Variants in VWA8 observed in about 807,000 individuals in gnomAD.
The protein encoded by VWA8 is von Willebrand factor A domain-containing protein 8.
A neutral mutation model predicts 241.5 loss-of-function variants in VWA8; 221 were observed. The observed-to-expected ratio is 0.91, with a 90% CI of 0.82 to 1.02. The LOEUF is 1.02. VWA8 is among the 50% of genes least tolerant of loss of function. The pLI is 0.00. For missense variants in VWA8, 2,322 were observed against 2,328.7 expected (o/e 1.00, Z 0.06); for synonymous variants, 852 against 827.1 (o/e 1.03, Z -0.52).
rs183998510 is a variant in VWA8 at position 41,650,883 on chromosome 13, G to A, written c.4611+20063C>T. On this transcript the variant is annotated intron_variant, in intron 37 of 44. Coordinates refer to ENST00000379310, the MANE Select transcript of VWA8 (RefSeq NM_015058.2). ...ATGCAGCCTTAAAGGAAGAGACACA[G>A]GAGTGTGTATGGGCATTCCAGGCAG... Among the ~76,000 whole-genome samples the A allele has an allele frequency of 3.0e-3, 455 of 152,320 alleles. 1 individual carries two copies. The highest frequency in any genetic ancestry group is 5.7e-3 in the Non-Finnish European group (390 of 68,022).
At chr13:41,846,228 T>C (rs931602739) in intron 12 of VWA8, among the ~76,000 whole-genome samples, 9 of 152,082 alleles carry the variant, frequency 5.9e-5, no homozygotes, top group African/African-American at 2.2e-4. Flanking sequence ...TAAAAGCAAG[T>C]AACAAAATAT....
At chr13:41,907,545 C>T in intron 4 of VWA8, 41 bp downstream of exon 4, 1 of 1,554,602 alleles carries the variant, frequency 6.4e-7, no homozygotes. Flanking sequence ...TTGTATAGAC[C>T]TGGAGTACAC....
intron 20 of VWA8, among the ~76,000 whole-genome samples, chr13:41,772,861 T>C (rs1476824367): frequency 1.3e-5 from 2 of 152,234 alleles, no homozygotes; most frequent in Non-Finnish European, 2.9e-5. Flanking sequence ...AAAGGTGAAA[T>C]TGGGTTTAGT....
At chr13:41,784,727 T>TATATATATACATAC (rs1555335045) in intron 18 of VWA8, among the ~76,000 whole-genome samples, 2 of 69,034 alleles carry the variant, frequency 2.9e-5, no homozygotes, top group East Asian at 3.8e-4. Flanking sequence ...TATATATATA[T>TATATATATACATAC]ATACACACAC....
chr13:41,867,738 G>C (rs1873378453), intron 10 of VWA8, among the ~76,000 whole-genome samples: 1 of 152,092 alleles, frequency 6.6e-6, no homozygotes, highest in Non-Finnish European at 1.5e-5. Flanking sequence ...TCATGAGCTG[G>C]GCACAGTGGC....
chr13:41,715,724 T>G (rs886720327), intron 26 of VWA8, among the ~76,000 whole-genome samples: 1 of 152,004 alleles, frequency 6.6e-6, no homozygotes, highest in Non-Finnish European at 1.5e-5. Flanking sequence ...ACAAAGATAT[T>G]TCCAATAACA....
intron 2 of VWA8, among the ~76,000 whole-genome samples, chr13:41,933,316 A>T (rs925040739): frequency 3.9e-5 from 6 of 152,034 alleles, no homozygotes; most frequent in African/African-American, 1.4e-4. Flanking sequence ...GAAATTAAAG[A>T]TCTAAATAGA....
chr13:41,961,081 C>T lies in VWA8; in HGVS notation c.-66G>A. The T allele has an allele frequency of 7.6e-7, 1 of 1,314,618 alleles. No homozygotes were observed. Among genetic ancestry groups the T allele is most frequent in the South Asian group, 1.9e-5 (1 of 53,844 alleles). The allele number at this position is 1,314,618 out of a possible 1,614,324, so 81.4% of individuals were successfully genotyped here. On this transcript the variant is annotated 5_prime_UTR_variant, in exon 1 of 45. It adds an upstream start codon to the 5' untranslated region. Transcript: ENST00000379310. ...GATCGAGCGGCGTCCCGTGCAGGCA[C>T]CGTGAGGCAGCGCGGAGAAGGGGAC...
At position 41,868,339 on chromosome 13, in the gene VWA8, T is replaced by A. The variant is rs1371243692; in HGVS notation, c.1212+7A>T. On this transcript the variant is annotated splice_region_variant and intron_variant, in intron 10 of 44. Transcript: ENST00000379310. ...ATCATAGAAAGAATAAACCTGTGAT[T>A]AATTACCTTAATGGTCACCTCTTTA... The A allele has an allele frequency of 6.2e-7, 1 of 1,613,402 alleles. No homozygotes were observed. Among genetic ancestry groups the A allele is most frequent in the Non-Finnish European group, 8.5e-7 (1 of 1,179,844 alleles).
chr13:41,863,433 G>GAA (rs1873122888), intron 12 of VWA8, among the ~76,000 whole-genome samples: 9 of 69,824 alleles, frequency 1.3e-4, no homozygotes, highest in East Asian at 8.2e-4. Context: ...GTGTGTGTGT[G>GAA]TATATATATA....
chr13:41,626,369 A>G (rs546435272), intron 37 of VWA8, among the ~76,000 whole-genome samples: 2 of 152,266 alleles, frequency 1.3e-5, no homozygotes, highest in East Asian at 3.9e-4. Flanking sequence ...ATTCAATGCT[A>G]TTCCTATCAA....
chr13:41,575,289 A>G (rs1222805286), intron 43 of VWA8, among the ~76,000 whole-genome samples: 1 of 152,178 alleles, frequency 6.6e-6, no homozygotes, highest in African/African-American at 2.4e-5. Context: ...GGTGAGGGAT[A>G]AAAGACTACA....
Position 41,634,727 on chromosome 13 carries a change from A to G in VWA8, c.4612-19643T>C, listed in dbSNP as rs139873630. ...CAAAGTGAAAAAAAAAACAGACTAA[A>G]TTATTTCTAGCTCTAATTTTTTTCC... is the stretch of plus-strand genomic sequence containing the variant. On this transcript the variant is annotated intron_variant, in intron 37 of 44. Transcript: ENST00000379310. Among the ~76,000 whole-genome samples the G allele has an allele frequency of 6.8e-4, 104 of 151,862 alleles. No individual in the cohort carries two copies. In the East Asian group the frequency reaches 0.019, roughly 27 times the overall value.
At chr13:41,748,011 T>C (rs2045623566) in intron 21 of VWA8, among the ~76,000 whole-genome samples, 1 of 152,250 alleles carries the variant, frequency 6.6e-6, no homozygotes. Flanking sequence ...AGTATTTTAT[T>C]GAGGATTTTT....
intron 21 of VWA8, among the ~76,000 whole-genome samples, chr13:41,745,882 T>TA (rs1229849523): frequency 1.3e-5 from 2 of 152,068 alleles, no homozygotes; most frequent in East Asian, 1.9e-4. Flanking sequence ...ACTAAATTTT[T>TA]AAAAAATCCC....
intron 37 of VWA8, among the ~76,000 whole-genome samples, chr13:41,620,346 T>A (rs955305004): frequency 2.0e-5 from 3 of 152,204 alleles, no homozygotes. Flanking sequence ...TGCATTTATT[T>A]GATTCTTCTC....
chr13:41,950,889 G>A (rs1878104387), intron 1 of VWA8, among the ~76,000 whole-genome samples: 1 of 149,222 alleles, frequency 6.7e-6, no homozygotes, highest in African/African-American at 2.5e-5. Context: ...GGCTGGTCTT[G>A]AACTCCTGAC....
intron 40 of VWA8, among the ~76,000 whole-genome samples, chr13:41,604,646 A>G (rs1235296824): frequency 6.6e-6 from 1 of 152,156 alleles, no homozygotes; most frequent in East Asian, 1.9e-4. Flanking sequence ...CCAGAGTAGA[A>G]TGGAGAAACA....
At chr13:41,592,045 A>G (rs2044458635) in intron 40 of VWA8, among the ~76,000 whole-genome samples, 1 of 151,558 alleles carries the variant, frequency 6.6e-6, no homozygotes, top group African/African-American at 2.4e-5. Flanking sequence ...TATTCACAAT[A>G]GCAAAGTCTT....
Sources: gnomAD v4.1 joint callset for allele counts (sites outside exome capture counted in the v4.1 genomes callset) on GRCh38, gnomAD v4.1.1 for gene constraint, MANE v1.5 for transcripts, NCBI Gene and HGNC (gene_info 2026-07-23, HGNC 2026-07-21) for gene names.